SULT1C2: variants seen among roughly 807,000 people sequenced by gnomAD.
The protein encoded by SULT1C2 is sulfotransferase family 1C member 2, also known as sulfotransferase 1C2.
A neutral mutation model predicts 36.0 loss-of-function variants in SULT1C2; 27 were observed. That is an observed-to-expected ratio of 0.75 (90% CI 0.55 to 1.03). The LOEUF (loss-of-function observed/expected upper bound fraction) is 1.03, where lower values mean the gene tolerates loss of function less well. Ranked by LOEUF, SULT1C2 falls within the 50% of genes least tolerant of loss-of-function variation. The probability of loss-of-function intolerance (pLI) is 0.00; values close to 1 mark genes in which losing one functional copy is unlikely to be tolerated. For synonymous variants in SULT1C2, 121 were observed against 116.0 expected (o/e 1.04, Z -0.27); for missense variants, 395 against 359.2 (o/e 1.10, Z -0.80).
intron 3 of SULT1C2, 38 bp downstream of exon 3, chr2:108,294,392 T>C: frequency 6.2e-7 from 1 of 1,607,592 alleles, no homozygotes; most frequent in Non-Finnish European, 8.5e-7. Flanking sequence ...CCTGCTTTCT[T>C]TCCCTCTCTC....
Position 108,305,602 on chromosome 2 carries a change from G to A in SULT1C2, c.778+7G>A, listed in dbSNP as rs775674627. ...TCCTCCTTCATGAGAAAAGGTGTGTGGGGCCTCTTTATCATACATTCAGAT... is the reference window on the plus strand; with the variant it reads ...TCCTCCTTCATGAGAAAAGGTGTGTAGGGCCTCTTTATCATACATTCAGAT... On this transcript the variant is annotated splice_region_variant and intron_variant, in intron 7 of 7. Coordinates refer to ENST00000251481, the MANE Select transcript of SULT1C2 (RefSeq NM_001056.4). 3.1e-6 allele frequency: 5 copies of A among 1,614,038 alleles called. No individual in the cohort carries two copies. In the East Asian group the frequency reaches 8.9e-5, roughly 29 times the overall value.
At chr2:108,297,875 G>A (rs547465571) in intron 3 of SULT1C2, among the ~76,000 whole-genome samples, 84 of 152,334 alleles carry the variant, frequency 5.5e-4, no homozygotes, top group Middle Eastern at 3.4e-3. Context: ...TGGATCAGGA[G>A]TAGGAGTGGG....
chr2:108,293,635 C>A lies in SULT1C2; in HGVS notation c.-21-12C>A, dbSNP rs370697466. On this transcript the variant is annotated splice_polypyrimidine_tract_variant and intron_variant, in intron 1 of 7. Transcript: ENST00000251481. Reference sequence around the variant, plus strand: ...AACTTCTTTAAAAATCTCCTCTATTCTTTTCCCATAGGGACCCCAACCCTG... The same window carrying A: ...AACTTCTTTAAAAATCTCCTCTATTATTTTCCCATAGGGACCCCAACCCTG... The A allele has an allele frequency of 5.7e-6, 9 of 1,573,340 alleles. No homozygotes were observed. The South Asian group carries it at 8.3e-5, about 14-fold the overall frequency.
intron 7 of SULT1C2, among the ~76,000 whole-genome samples, chr2:108,306,343 T>C (rs1677024648): frequency 6.6e-6 from 1 of 152,230 alleles, no homozygotes; most frequent in South Asian, 2.1e-4. Context: ...GATTGACTTA[T>C]GCCCATAATC....
In SULT1C2 at chr2:108,309,640, A is replaced by G. The variant is rs538762017; in HGVS notation, c.*1176A>G. 2.0e-5 allele frequency: 3 copies of G among 152,260 alleles called. No individual in the cohort carries two copies. In the South Asian group the frequency reaches 6.2e-4, roughly 32 times the overall value. 9.4% of individuals were successfully genotyped at this position (152,260 alleles called of 1,614,324 possible). The stretch of plus-strand genomic sequence containing the variant: ...GATTTCGTAGGGTATTTTTTTTAAA[A>G]TAGGGTCTTGCTATGTTGCCCAGGC... On this transcript the variant is annotated 3_prime_UTR_variant, in exon 8 of 8. Coordinates refer to ENST00000251481, the MANE Select transcript of SULT1C2 (RefSeq NM_001056.4).
At position 108,305,165 on chromosome 2, in the gene SULT1C2, A is replaced by G. The variant is rs747926296; in HGVS notation, c.503-7A>G. 3.1e-6 allele frequency: 5 copies of G among 1,614,024 alleles called. No individual in the cohort carries two copies. In the South Asian group the frequency reaches 3.3e-5, roughly 11 times the overall value. On this transcript the variant is annotated splice_polypyrimidine_tract_variant and splice_region_variant and intron_variant, in intron 5 of 7. Coordinates refer to ENST00000251481, the MANE Select transcript of SULT1C2 (RefSeq NM_001056.4). ...GTAGACTATTCTGTTTCCTGTGTCT[A>G]TTTCAGTGGTTTGGGGTTCCTGGTT...
chr2:108,305,558 T>C lies in SULT1C2; in HGVS notation c.741T>C (p.Ser247=). 1.2e-6 allele frequency: 2 copies of C among 1,614,228 alleles called. No individual in the cohort carries two copies. Among genetic ancestry groups the C allele is most frequent in the Non-Finnish European group, 1.7e-6 (2 of 1,180,028 alleles). ...CAAATCGTTCTACAGTTTCCAAATCTATCTTGGACCAGTCAATTTCCTCCT... is the reference window on the plus strand; with the variant it reads ...CAAATCGTTCTACAGTTTCCAAATCCATCTTGGACCAGTCAATTTCCTCCT... The part of the protein sequence containing the change: ...PMTNRSTVSK[S]ILDQSISSFM... The change falls in exon 7 of 8, where the codon TCT becomes TCC. Residue 247 remains serine (S), a synonymous_variant. Transcript: ENST00000251481.
chr2:108,296,056 C>T (rs182907666), intron 3 of SULT1C2, among the ~76,000 whole-genome samples: 3 of 152,326 alleles, frequency 2.0e-5, no homozygotes, highest in African/African-American at 7.2e-5. Flanking sequence ...TTCCAAGCCA[C>T]TGGGATCACA....
Position 108,308,724 on chromosome 2 carries a change from A to C in SULT1C2, c.*260A>C. On this transcript the variant is annotated 3_prime_UTR_variant, in exon 8 of 8. Coordinates refer to ENST00000251481, the MANE Select transcript of SULT1C2 (RefSeq NM_001056.4). ...ACTAAGTAAAACGTATGACTTGAGT[A>C]CAAAAGGATTGTTTTAATCCCCATT... 1 of 388,076 alleles carries C rather than the reference A, an allele frequency of 2.6e-6. No homozygotes were observed. Among genetic ancestry groups the C allele is most frequent in the Non-Finnish European group, 4.6e-6 (1 of 217,728 alleles). The allele number at this position is 388,076 out of a possible 1,614,324, so 24.0% of individuals were successfully genotyped here.
intron 3 of SULT1C2, chr2:108,298,652 G>C: frequency 2.6e-6 from 1 of 388,984 alleles, no homozygotes; most frequent in Non-Finnish European, 5.0e-6. Flanking sequence ...AAAGTGCCAA[G>C]ATTACAGACG....
At chr2:108,289,274 C>T (rs1676534894) in intron 1 of SULT1C2, among the ~76,000 whole-genome samples, 1 of 152,186 alleles carries the variant, frequency 6.6e-6, no homozygotes, top group Non-Finnish European at 1.5e-5. Flanking sequence ...CCTCAAATCA[C>T]CTCCAAAAGC....
Position 108,308,466 on chromosome 2 carries a change from C to A in SULT1C2, c.*2C>A. 1.9e-6 allele frequency: 3 copies of A among 1,597,718 alleles called. No homozygotes were observed. The Admixed American group carries it at 5.4e-5, about 29-fold the overall frequency. ...ATAAACTTCTGCATGGAACTCTGAGCAAGATGTAAATAAAATTAAAAGGTG... is the reference window on the plus strand; with the variant it reads ...ATAAACTTCTGCATGGAACTCTGAGAAAGATGTAAATAAAATTAAAAGGTG... On this transcript the variant is annotated 3_prime_UTR_variant, in exon 8 of 8. Coordinates refer to ENST00000251481, the MANE Select transcript of SULT1C2 (RefSeq NM_001056.4).
rs537899012 is a variant in SULT1C2, at chr2:108,293,896, T to C, written c.151+78T>C. 2.6e-6 allele frequency: 4 copies of C among 1,541,532 alleles called. No individual in the cohort carries two copies. In the East Asian group the frequency reaches 6.8e-5, roughly 26 times the overall value. On this transcript the variant is annotated intron_variant, in intron 2 of 7. Transcript: ENST00000251481. ...ATCACTTAAGTTAGAATTCCCCTTC[T>C]TAGGAAACCTGCTCCTTCTTATTGT...
intron 1 of SULT1C2, among the ~76,000 whole-genome samples, chr2:108,291,864 T>C (rs1676601320): frequency 2.0e-5 from 3 of 152,242 alleles, no homozygotes; most frequent in Admixed American, 2.0e-4. Context: ...CATACCATTA[T>C]CTCAGGAGTA....
chr2:108,298,509 C>A (rs2104417624), intron 3 of SULT1C2: 1 of 217,968 alleles, frequency 4.6e-6, no homozygotes, highest in Non-Finnish European at 9.4e-6. Flanking sequence ...GAGTAAGTAG[C>A]TGGGACTACA....
At position 108,305,267 on chromosome 2, in the gene SULT1C2, G is replaced by A. The variant is rs759049629; in HGVS notation, c.597+1G>A. ...CCTCTTCTATGAGGACATAAAGAGGGTGAGTGAAGGCTCTGCAGAAGAACC... is the reference window on the plus strand; with the variant it reads ...CCTCTTCTATGAGGACATAAAGAGGATGAGTGAAGGCTCTGCAGAAGAACC... On this transcript the variant is annotated splice_donor_variant, in intron 6 of 7. Coordinates refer to ENST00000251481, the MANE Select transcript of SULT1C2 (RefSeq NM_001056.4). LOFTEE classifies it high-confidence loss of function. The A allele has an allele frequency of 2.5e-6, 4 of 1,614,136 alleles. No individual in the cohort carries two copies. The South Asian group carries it at 4.4e-5, about 18-fold the overall frequency.
At chr2:108,294,118 G>A (rs1324947421) in intron 2 of SULT1C2, 111 bp from the exon 3 acceptor site, 3 of 1,524,702 alleles carry the variant, frequency 2.0e-6, no homozygotes, top group Non-Finnish European at 2.6e-6. Flanking sequence ...CTGACCCAAG[G>A]GGAGGGTGAT....
chr2:108,294,894 G>A (rs1676685603), intron 3 of SULT1C2, among the ~76,000 whole-genome samples: 1 of 152,094 alleles, frequency 6.6e-6, no homozygotes, highest in South Asian at 2.1e-4. Flanking sequence ...AAAAAATAAA[G>A]AAAGCTAAAA....
chr2:108,304,878 A>C (rs1447548921), intron 5 of SULT1C2, among the ~76,000 whole-genome samples, 178 bp downstream of exon 5: 1 of 152,106 alleles, frequency 6.6e-6, no homozygotes, highest in Non-Finnish European at 1.5e-5. Flanking sequence ...CTCAGCAAAC[A>C]TCTTCCACCT....
Sources: gnomAD v4.1 joint callset for allele counts (sites outside exome capture counted in the v4.1 genomes callset) on GRCh38, gnomAD v4.1.1 for gene constraint, MANE v1.5 for transcripts, NCBI Gene and HGNC (gene_info 2026-07-23, HGNC 2026-07-21) for gene names.